The following SUGCT variants were observed in gnomAD, a reference collection of about 807,000 sequenced individuals.
SUGCT encodes succinyl-CoA:glutarate CoA-transferase.
A neutral mutation model predicts 55.0 loss-of-function variants in SUGCT; 41 were observed. That is an observed-to-expected ratio of 0.74 (90% CI 0.58 to 0.97). The LOEUF is 0.97. Ranked by LOEUF, SUGCT falls within the 50% of genes least tolerant of loss-of-function variation. The probability of loss-of-function intolerance (pLI) is 0.00; values close to 1 mark genes in which losing one functional copy is unlikely to be tolerated. For synonymous variants in SUGCT, 187 were observed against 200.4 expected, an observed-to-expected ratio of 0.93 and a Z score of 0.56; for missense variants, 568 against 547.8, an observed-to-expected ratio of 1.04 and a Z score of -0.37.
At chr7:40,518,442 T>A (rs536075656) in intron 12 of SUGCT, among the ~76,000 whole-genome samples, 1 of 152,154 alleles carries the variant, frequency 6.6e-6, no homozygotes, top group South Asian at 2.1e-4. Flanking sequence ...TTACTTATGT[T>A]GTAGAAAGAT....
chr7:40,584,437 C>T (rs1056296561), intron 12 of SUGCT, among the ~76,000 whole-genome samples: 1 of 152,150 alleles, frequency 6.6e-6, no homozygotes, highest in African/African-American at 2.4e-5. Flanking sequence ...ATTTGAGTAG[C>T]TCCAAAAATG....
intron 12 of SUGCT, among the ~76,000 whole-genome samples, chr7:40,644,409 A>G (rs1240903829): frequency 2.6e-5 from 4 of 152,072 alleles, no homozygotes; most frequent in African/African-American, 9.7e-5. Flanking sequence ...GCCACTCACT[A>G]CTGATCATGC....
Position 40,829,036 on chromosome 7 carries a change from C to T in SUGCT, c.1154-31280C>T, listed in dbSNP as rs150207540. ...CAGCAAAGACACCAGCCGAAACCAG[C>T]GGATAGCAACAAAAGTGACCCTCTT... On this transcript the variant is annotated intron_variant, in intron 13 of 13. Coordinates refer to ENST00000335693, the MANE Select transcript of SUGCT (RefSeq NM_001193313.2). 1.5e-3 allele frequency among the ~76,000 whole-genome samples: 227 copies of T among 152,232 alleles called. 2 individuals carry two copies. Among genetic ancestry groups the T allele is most frequent in the African/African-American group, 5.2e-3 (214 of 41,544 alleles).
At chr7:40,145,509 C>CTTT (rs35917913) in intron 1 of SUGCT, among the ~76,000 whole-genome samples, 45 of 145,018 alleles carry the variant, frequency 3.1e-4, no homozygotes, top group Admixed American at 3.0e-3. Context: ...CTCCTCCCCA[C>CTTT]TTTTTTTTTT....
intron 9 of SUGCT, among the ~76,000 whole-genome samples, chr7:40,440,154 T>G (rs1171487491): frequency 9.3e-5 from 12 of 128,802 alleles, no homozygotes; most frequent in African/African-American, 3.0e-4. Context: ...TGTTTTTTTT[T>G]TTTTTTTTTT....
intron 9 of SUGCT, among the ~76,000 whole-genome samples, chr7:40,374,367 A>G (rs141292569): frequency 1.3e-5 from 2 of 152,328 alleles, no homozygotes; most frequent in East Asian, 1.9e-4. Context: ...AGGTTCAGAA[A>G]TATTAATTCC....
chr7:40,980,723 G>C, the SUGCT span, among the ~76,000 whole-genome samples: 2 of 151,884 alleles, frequency 1.3e-5, no homozygotes, highest in African/African-American at 4.8e-5. Flanking sequence ...TTTTTAGATG[G>C]AGTCTCACTG....
intron 12 of SUGCT, among the ~76,000 whole-genome samples, chr7:40,737,245 G>T (rs149089680): frequency 2.7e-4 from 41 of 152,160 alleles, no homozygotes; most frequent in African/African-American, 8.4e-4. Context: ...GATCAAACTT[G>T]GTTTTTGGAT....
Position 40,854,396 on chromosome 7 carries a change from TTTC to T in SUGCT, c.1154-5917_1154-5915del, listed in dbSNP as rs1250958442. 3.0e-3 allele frequency among the ~76,000 whole-genome samples: 318 copies of T among 105,762 alleles called. 2 individuals carry two copies. Among genetic ancestry groups the T allele is most frequent in the African/African-American group, 0.011 (306 of 28,938 alleles). 69.4% of individuals were successfully genotyped at this position (105,762 alleles called of 152,430 possible). On this transcript the variant is annotated intron_variant, in intron 13 of 13. Transcript: ENST00000335693. ...GGTCCTTATTGTGTATCAAAATTTT[TTTC>T]TTTCTTTCTTTCTTTCTTTCCTTTC...
At chr7:40,955,701 C>G in the SUGCT span, among the ~76,000 whole-genome samples, 1 of 152,116 alleles carries the variant, frequency 6.6e-6, no homozygotes, top group Admixed American at 6.6e-5. Flanking sequence ...GCATCCTTGT[C>G]TTATGGTGGT....
chr7:40,183,955 T>C (rs1456995100), intron 3 of SUGCT, among the ~76,000 whole-genome samples: 1 of 152,056 alleles, frequency 6.6e-6, no homozygotes, highest in Non-Finnish European at 1.5e-5. Context: ...GGGCGGATCG[T>C]TTGAGCCCAG....
At chr7:40,659,348 A>T (rs188354813) in intron 12 of SUGCT, among the ~76,000 whole-genome samples, 3 of 152,170 alleles carry the variant, frequency 2.0e-5, no homozygotes, top group African/African-American at 7.2e-5. Flanking sequence ...GCTCACTTCC[A>T]TGGCTGGCAT....
chr7:40,860,287 G>T (rs1794428272), intron 13 of SUGCT, 29 bp from the exon 14 acceptor site: 1 of 1,613,650 alleles, frequency 6.2e-7, no homozygotes. Flanking sequence ...GTCATTAACA[G>T]GCTTCCTGCT....
the SUGCT span, among the ~76,000 whole-genome samples, chr7:40,984,599 A>C: frequency 2.6e-5 from 4 of 152,184 alleles, no homozygotes; most frequent in Non-Finnish European, 4.4e-5. Flanking sequence ...TCCACATCTG[A>C]GTAATGAAAG....
At chr7:40,924,721 A>G in the SUGCT span, among the ~76,000 whole-genome samples, 2 of 152,194 alleles carry the variant, frequency 1.3e-5, no homozygotes, top group African/African-American at 2.4e-5. Flanking sequence ...TCAGATTTAC[A>G]GTGTGCATAA....
chr7:40,813,048 T>C (rs1791501989), intron 13 of SUGCT, among the ~76,000 whole-genome samples: 1 of 152,202 alleles, frequency 6.6e-6, no homozygotes, highest in East Asian at 1.9e-4. Context: ...TGATTTCTAA[T>C]TTTGTTCCAC....
chr7:40,194,864 A>G (rs1379038878), intron 5 of SUGCT, 76 bp from the exon 6 acceptor site: 2 of 1,492,636 alleles, frequency 1.3e-6, no homozygotes, highest in Middle Eastern at 1.8e-4. Context: ...GGGAGAATCA[A>G]TTGTGTAAAG....
At chr7:40,685,772 G>A (rs528753423) in intron 12 of SUGCT, among the ~76,000 whole-genome samples, 5 of 152,022 alleles carry the variant, frequency 3.3e-5, no homozygotes, top group South Asian at 2.1e-4. Context: ...CACGCATGGC[G>A]CATGCCTGTA....
chr7:40,208,014 C>T (rs758442770), intron 6 of SUGCT, among the ~76,000 whole-genome samples: 22 of 152,046 alleles, frequency 1.4e-4, no homozygotes, highest in Admixed American at 9.2e-4. Flanking sequence ...CTTAAAAAGG[C>T]GGGGAATTCT....
Sources: gnomAD v4.1 joint callset for allele counts (sites outside exome capture counted in the v4.1 genomes callset) on GRCh38, gnomAD v4.1.1 for gene constraint, MANE v1.5 for transcripts, NCBI Gene and HGNC (gene_info 2026-07-23, HGNC 2026-07-21) for gene names.